PRRC2C: variants seen among roughly 807,000 people sequenced by gnomAD.
PRRC2C encodes proline rich coiled-coil 2C.
PRRC2C carries 72 observed loss-of-function variants against 317.2 expected under a neutral mutation model. That is an observed-to-expected ratio of 0.23 (90% CI 0.19 to 0.28). The LOEUF (loss-of-function observed/expected upper bound fraction) is 0.28. Ranked by LOEUF, PRRC2C falls within the 10% of genes least tolerant of loss-of-function variation. The pLI is 1.00. For missense variants in PRRC2C, 3,074 were observed against 3,459.7 expected (o/e 0.89, Z 2.80); for synonymous variants, 1,296 against 1,205.9 (o/e 1.07, Z -1.55).
At chr1:171,531,618 T>C (rs1024922414) in intron 11 of PRRC2C, among the ~76,000 whole-genome samples, 3 of 152,244 alleles carry the variant, frequency 2.0e-5, no homozygotes, top group African/African-American at 7.2e-5. Context: ...ATTTTTTTAA[T>C]TACTTTTATT....
chr1:171,502,485 C>A (rs1669312083), intron 1 of PRRC2C, among the ~76,000 whole-genome samples: 1 of 152,142 alleles, frequency 6.6e-6, no homozygotes, highest in African/African-American at 2.4e-5. Context: ...TATCCAAAGT[C>A]CCCTTTACCT....
rs1671678456 is a variant in PRRC2C, at chr1:171,513,132, A to G, written c.250A>G (p.Thr84Ala). ...PNVNIVPKDG[T>A]GWASKQEQHE... Reference sequence around the variant, plus strand: ...TGTAAACATTGTACCTAAAGATGGCACAGGGTGGGCATCAAAACAAGAGCA... The same window carrying G: ...TGTAAACATTGTACCTAAAGATGGCGCAGGGTGGGCATCAAAACAAGAGCA... Residue 84 changes from threonine (T) to alanine (A), a missense_variant, in exon 3 of 35, where the codon ACA becomes GCA. Physicochemically the swap from Thr to Ala is moderately conservative, Grantham distance 58. Around this residue, in one of 11 missense-constraint regions of PRRC2C, gnomAD observed 71 missense variants for 118.9 expected, o/e 0.60. Coordinates refer to ENST00000647382, the MANE Select transcript of PRRC2C (RefSeq NM_001387844.1). The G allele has an allele frequency of 9.9e-6, 16 of 1,613,336 alleles. No homozygotes were observed. Among genetic ancestry groups the G allele is most frequent in the South Asian group, 7.7e-5 (7 of 90,986 alleles).
Position 171,520,968 on chromosome 1 carries a change from T to C in PRRC2C, c.751-1209T>C, listed in dbSNP as rs116084735. ...TACAGGCACGCCCACCACACCTAGCTAATTTTTTTGTATGTTTAGTAGAGA... is the reference window on the plus strand; with the variant it reads ...TACAGGCACGCCCACCACACCTAGCCAATTTTTTTGTATGTTTAGTAGAGA... On this transcript the variant is annotated intron_variant, in intron 6 of 34. Coordinates refer to ENST00000647382, the MANE Select transcript of PRRC2C (RefSeq NM_001387844.1). 3.3e-3 allele frequency among the ~76,000 whole-genome samples: 505 copies of C among 152,076 alleles called. 6 individuals are homozygous for C. Among genetic ancestry groups the C allele is most frequent in the African/African-American group, 0.012 (481 of 41,482 alleles).
In PRRC2C at chr1:171,557,427, T is replaced by C. The variant is rs946660586; in HGVS notation, c.5315T>C (p.Leu1772Pro). 42 of 1,546,922 alleles carry C rather than the reference T, an allele frequency of 2.7e-5. No homozygotes were observed. The highest frequency in any genetic ancestry group is 3.4e-5 in the Non-Finnish European group (39 of 1,143,732). Residue 1772 changes from leucine to proline, a missense_variant, in exon 19 of 35, where the codon CTT (leucine) becomes CCT (proline). Leu to Pro is a moderately conservative substitution (Grantham distance 98, BLOSUM62 -3). Around this residue, in one of 11 missense-constraint regions of PRRC2C, gnomAD observed 640 missense variants for 676.1 expected, o/e 0.95. Coordinates refer to ENST00000647382, the MANE Select transcript of PRRC2C (RefSeq NM_001387844.1). ...ASVPASTSAP[L>P]PATLTPVPAS... ...GTTCCAGCCTCAACCTCAGCTCCAC[T>C]TCCGGCAACCTTAACTCCAGTTCCA... is the stretch of plus-strand genomic sequence containing the variant.
At chr1:171,553,196 GT>G (rs1680647473) in intron 18 of PRRC2C, among the ~76,000 whole-genome samples, 1 of 152,178 alleles carries the variant, frequency 6.6e-6, no homozygotes, top group African/African-American at 2.4e-5. Flanking sequence ...TTGGGAGGGT[GT>G]GTGTGTCGAG....
At chr1:171,490,221 A>C (rs141941580) in intron 1 of PRRC2C, among the ~76,000 whole-genome samples, 1 of 152,302 alleles carries the variant, frequency 6.6e-6, no homozygotes, top group East Asian at 1.9e-4. Context: ...CCTGCCGTTT[A>C]AAAGGAAATT....
intron 18 of PRRC2C, among the ~76,000 whole-genome samples, chr1:171,554,137 T>G (rs1445118134): frequency 6.6e-6 from 1 of 152,202 alleles, no homozygotes; most frequent in Non-Finnish European, 1.5e-5. Context: ...GTTGCTTAAA[T>G]GAATATATAT....
intron 1 of PRRC2C, among the ~76,000 whole-genome samples, chr1:171,506,030 T>C (rs1670114634): frequency 6.6e-6 from 1 of 152,212 alleles, no homozygotes; most frequent in Non-Finnish European, 1.5e-5. Flanking sequence ...CAGTAGGCTA[T>C]GCCATCTACA....
chr1:171,506,370 T>C (rs2102191998), intron 1 of PRRC2C, among the ~76,000 whole-genome samples: 1 of 152,312 alleles, frequency 6.6e-6, no homozygotes, highest in African/African-American at 2.4e-5. Flanking sequence ...ACTTTTAAGA[T>C]TTTCTCTTTA....
rs925966924 is a variant in PRRC2C, at chr1:171,579,947, C to T, written c.7392C>T (p.Ser2464=). The change falls in exon 28 of 35, where the codon TCC becomes TCT. Residue 2464 remains serine, a synonymous_variant. Transcript: ENST00000647382. ...AVSQAQELFS[S]SLQPYRSQPA... is the part of the protein sequence containing the mutation. Reference sequence around the variant, plus strand: ...CCCAGGCTCAGGAATTGTTCAGCTCCTCACTTCAACCATATAGGTAAATGC... The same window carrying T: ...CCCAGGCTCAGGAATTGTTCAGCTCTTCACTTCAACCATATAGGTAAATGC... The T allele has an allele frequency of 1.3e-6, 2 of 1,563,696 alleles. No individual in the cohort carries two copies. The highest frequency in any genetic ancestry group is 1.7e-6 in the Non-Finnish European group (2 of 1,160,772).
intron 18 of PRRC2C, among the ~76,000 whole-genome samples, chr1:171,554,114 A>G (rs527300359): frequency 6.6e-6 from 1 of 152,278 alleles, no homozygotes; most frequent in Admixed American, 6.5e-5. Flanking sequence ...GTCTCTTTGT[A>G]GGTCTCTAAG....
intron 1 of PRRC2C, among the ~76,000 whole-genome samples, chr1:171,499,718 C>T (rs868255352): frequency 2.6e-5 from 4 of 152,064 alleles, no homozygotes; most frequent in Non-Finnish European, 4.4e-5. Context: ...GCAGGAGAAT[C>T]GCTTGAACCT....
intron 1 of PRRC2C, among the ~76,000 whole-genome samples, chr1:171,489,842 G>A (rs572352822): frequency 1.3e-5 from 2 of 152,182 alleles, no homozygotes; most frequent in South Asian, 2.1e-4. Flanking sequence ...TTTCTGCTTC[G>A]TCCCAAACCA....
At chr1:171,513,864 G>T (rs6697306) in intron 3 of PRRC2C, among the ~76,000 whole-genome samples, 122,987 of 152,226 alleles carry the variant, frequency 0.81, 49,806 homozygotes, top group Middle Eastern at 0.9. Flanking sequence ...TATCAAATAC[G>T]TAAATGCTTG....
intron 18 of PRRC2C, among the ~76,000 whole-genome samples, chr1:171,552,796 C>T (rs779822488): frequency 6.6e-6 from 1 of 152,160 alleles, no homozygotes; most frequent in Non-Finnish European, 1.5e-5. Context: ...ATCAGCCTTG[C>T]ATCCTAGGGA....
At chr1:171,584,355 C>A in intron 29 of PRRC2C, 64 bp from the exon 30 acceptor site, 1 of 1,440,632 alleles carries the variant, frequency 6.9e-7, no homozygotes, top group Non-Finnish European at 9.3e-7. Flanking sequence ...AAGTCATAAT[C>A]TCCACCTCTG....
chr1:171,523,723 G>A (rs61814661), intron 9 of PRRC2C, among the ~76,000 whole-genome samples: 1,651 of 152,104 alleles, frequency 0.011, 23 homozygotes, highest in Non-Finnish European at 0.019. Context: ...AATTTGATGC[G>A]TCTCAAGAAA....
chr1:171,525,683 A>G (rs2102368459), intron 10 of PRRC2C, among the ~76,000 whole-genome samples: 1 of 152,300 alleles, frequency 6.6e-6, no homozygotes, highest in South Asian at 2.1e-4. Flanking sequence ...GCGTAATCAT[A>G]GAGGGTACAA....
At chr1:171,488,355 A>G (rs1450752384) in intron 1 of PRRC2C, among the ~76,000 whole-genome samples, 2 of 152,242 alleles carry the variant, frequency 1.3e-5, no homozygotes, top group Non-Finnish European at 2.9e-5. Context: ...ATCTCAGTCT[A>G]TGTTAATTGT....
Sources: allele counts gnomAD v4.1 joint callset (sites outside exome capture counted in the v4.1 genomes callset), GRCh38; gene constraint gnomAD v4.1.1; regional missense constraint gnomAD v4.1.1; transcripts MANE v1.5; gene names NCBI Gene and HGNC (gene_info 2026-07-23, HGNC 2026-07-21).